The following PDS5B variants were observed in gnomAD, a reference collection of about 807,000 sequenced individuals.
The protein encoded by PDS5B is PDS5 cohesin associated factor B, also known as sister chromatid cohesion protein PDS5 homolog B.
PDS5B carries 51 observed loss-of-function variants against 184.1 expected under a neutral mutation model. The ratio of observed to expected loss-of-function variants is 0.28; its 90% CI spans 0.22 to 0.35. PDS5B has a LOEUF of 0.35. Ranked by LOEUF, PDS5B falls within the 10% of genes least tolerant of loss-of-function variation. The probability of loss-of-function intolerance (pLI) is 1.00; values close to 1 mark genes in which losing one functional copy is unlikely to be tolerated. For synonymous variants in PDS5B, 566 were observed against 569.2 expected, an observed-to-expected ratio of 0.99 and a Z score of 0.08; for missense variants, 1,180 against 1,723.3, an observed-to-expected ratio of 0.68 and a Z score of 5.58.
intron 1 of PDS5B, among the ~76,000 whole-genome samples, chr13:32,620,945 A>G (rs1019177790): frequency 6.6e-6 from 1 of 152,256 alleles, no homozygotes; most frequent in East Asian, 1.9e-4. Flanking sequence ...TGGTTGGGAT[A>G]TAGCTACACT....
chr13:32,649,947 G>A (rs1950327465), intron 2 of PDS5B: 1 of 152,000 alleles, frequency 6.6e-6, no homozygotes, highest in Non-Finnish European at 1.5e-5. Flanking sequence ...ACCTTCTCTT[G>A]ACCTATTGCA....
intron 7 of PDS5B, among the ~76,000 whole-genome samples, chr13:32,671,740 A>G (rs1950943575): frequency 6.6e-6 from 1 of 152,224 alleles, no homozygotes; most frequent in Admixed American, 6.5e-5. Flanking sequence ...ACATAGAAAT[A>G]TGAAATCCTC....
intron 1 of PDS5B, among the ~76,000 whole-genome samples, chr13:32,646,369 GTTTTTT>G (rs58539534): frequency 6.6e-5 from 7 of 106,082 alleles, no homozygotes; most frequent in South Asian, 4.0e-4. Flanking sequence ...TCATGGCTGT[GTTTTTT>G]TTTTTTTTTT....
intron 1 of PDS5B, among the ~76,000 whole-genome samples, chr13:32,592,098 A>G (rs2057784995): frequency 6.6e-6 from 1 of 152,112 alleles, no homozygotes; most frequent in Admixed American, 6.5e-5. Flanking sequence ...ACCTTGTACC[A>G]TCTGCTTATC....
chr13:32,623,526 T>C (rs2058330435), intron 1 of PDS5B, among the ~76,000 whole-genome samples: 1 of 152,170 alleles, frequency 6.6e-6, no homozygotes, highest in African/African-American at 2.4e-5. Flanking sequence ...ACATCGTTAG[T>C]CTGACCTATG....
At chr13:32,662,537 A>G (rs1322368438) in intron 6 of PDS5B, among the ~76,000 whole-genome samples, 1 of 152,164 alleles carries the variant, frequency 6.6e-6, no homozygotes, top group Non-Finnish European at 1.5e-5. Flanking sequence ...GTTTATAAAA[A>G]TATTGAGGAT....
intron 1 of PDS5B, among the ~76,000 whole-genome samples, chr13:32,608,557 G>C (rs1207115862): frequency 1.3e-5 from 2 of 152,162 alleles, no homozygotes; most frequent in Admixed American, 6.5e-5. Flanking sequence ...GCTGGCAGTT[G>C]GGAAGGGACG....
At chr13:32,691,662 G>A (rs1185566687) in intron 13 of PDS5B, among the ~76,000 whole-genome samples, 2 of 152,050 alleles carry the variant, frequency 1.3e-5, no homozygotes, top group South Asian at 4.1e-4. Context: ...TGGGCAGTCT[G>A]ATTTTTAGAA....
chr13:32,702,326 C>T (rs899735881), intron 17 of PDS5B, among the ~76,000 whole-genome samples: 1 of 152,062 alleles, frequency 6.6e-6, no homozygotes, highest in Non-Finnish European at 1.5e-5. Flanking sequence ...AGAGGTAGTT[C>T]TGAGGTTTAA....
chr13:32,641,850 C>G (rs1291546527), intron 1 of PDS5B, among the ~76,000 whole-genome samples: 1 of 152,140 alleles, frequency 6.6e-6, no homozygotes, highest in Non-Finnish European at 1.5e-5. Flanking sequence ...CAGTTGCCTT[C>G]TAGAGCAAAC....
intron 24 of PDS5B, among the ~76,000 whole-genome samples, chr13:32,751,808 G>A (rs2140995304): frequency 6.6e-6 from 1 of 152,200 alleles, no homozygotes; most frequent in Middle Eastern, 3.4e-3. Context: ...TAGTTTGTCT[G>A]TTTACTCTGT....
intron 7 of PDS5B, among the ~76,000 whole-genome samples, chr13:32,668,398 A>T (rs2301391): frequency 0.31 from 46,439 of 152,080 alleles, 9,004 homozygotes; most frequent in Non-Finnish European, 0.43. Flanking sequence ...TTTCAGTATC[A>T]CCCCAAATCT....
intron 24 of PDS5B, 37 bp downstream of exon 24, chr13:32,746,137 T>C (rs1566403205): frequency 6.4e-7 from 1 of 1,573,598 alleles, no homozygotes; most frequent in Non-Finnish European, 8.7e-7. Context: ...TTTTTGAAGG[T>C]CTTTGACTTT....
intron 3 of PDS5B, among the ~76,000 whole-genome samples, chr13:32,653,942 G>T (rs1208419282): frequency 1.3e-5 from 2 of 152,108 alleles, no homozygotes; most frequent in African/African-American, 4.8e-5. Context: ...CCTATTTCAG[G>T]GCTTTGGGGG....
intron 1 of PDS5B, among the ~76,000 whole-genome samples, chr13:32,611,933 A>G (rs751365500): frequency 1.3e-5 from 2 of 152,054 alleles, no homozygotes; most frequent in Non-Finnish European, 2.9e-5. Context: ...TTACTTTTCA[A>G]CAGAATTTCT....
At chr13:32,618,442 A>G (rs1314764021) in intron 1 of PDS5B, among the ~76,000 whole-genome samples, 1 of 152,044 alleles carries the variant, frequency 6.6e-6, no homozygotes, top group Non-Finnish European at 1.5e-5. Flanking sequence ...ATTCTGCTCC[A>G]TCCTGTCCAG....
intron 3 of PDS5B, among the ~76,000 whole-genome samples, chr13:32,654,008 C>A (rs1950435282): frequency 6.6e-6 from 1 of 152,168 alleles, no homozygotes; most frequent in African/African-American, 2.4e-5. Context: ...TCTAACAGGA[C>A]AATTTATGAG....
chr13:32,770,223 C>G lies in PDS5B; in HGVS notation c.3727C>G (p.Pro1243Ala). 1 of 1,613,128 alleles carries G rather than the reference C, an allele frequency of 6.2e-7. No individual in the cohort carries two copies. Among genetic ancestry groups the G allele is most frequent in the East Asian group, 2.2e-5 (1 of 44,830 alleles). The change falls in exon 32 of 35, where the codon CCT (proline) becomes GCT (alanine). Residue 1243 changes from proline to alanine, a missense_variant. Pro to Ala is a conservative substitution (Grantham distance 27). Coordinates refer to ENST00000315596, the MANE Select transcript of PDS5B (RefSeq NM_015032.4). ...DLTKLVQEQK[P>A]KGSQRSRKRG... ...GACTAAGTTGGTACAGGAACAGAAA[C>G]CTAAAGGCAGTCAGCGAAGTCGGAA... is the stretch of plus-strand genomic sequence containing the variant.
intron 3 of PDS5B, chr13:32,652,235 CAT>C: frequency 7.6e-6 from 3 of 395,908 alleles, no homozygotes; most frequent in Non-Finnish European, 9.0e-6. Flanking sequence ...TTTTTTATAT[CAT>C]GTCATCATTA....
Sources: allele counts gnomAD v4.1 joint callset (sites outside exome capture counted in the v4.1 genomes callset), GRCh38; gene constraint gnomAD v4.1.1; transcripts MANE v1.5; gene names NCBI Gene and HGNC (gene_info 2026-07-23, HGNC 2026-07-21).